The following LINGO2 variants were observed in gnomAD, a reference collection of about 807,000 sequenced individuals.
LINGO2 encodes the protein leucine-rich repeat and immunoglobulin-like domain-containing nogo receptor-interacting protein 2.
LINGO2 carries 14 observed loss-of-function variants against 30.6 expected under a neutral mutation model. That is an observed-to-expected ratio of 0.46 (90% CI 0.30 to 0.72). The LOEUF (loss-of-function observed/expected upper bound fraction) is 0.72, where lower values mean the gene tolerates loss of function less well. LINGO2 is among the 30% of genes least tolerant of loss of function. LINGO2 has a pLI of 0.07. For missense variants in LINGO2, 729 were observed against 751.7 expected, an observed-to-expected ratio of 0.97 and a Z score of 0.35; for synonymous variants, 317 against 288.5, an observed-to-expected ratio of 1.10 and a Z score of -1.00.
chr9:28,490,778 T>C (rs775030822), intron 1 of LINGO2, among the ~76,000 whole-genome samples: 1 of 152,170 alleles, frequency 6.6e-6, no homozygotes, highest in Non-Finnish European at 1.5e-5. Flanking sequence ...TTAACCTTTC[T>C]AAAGGGTAGT....
chr9:28,848,399 A>G, the LINGO2 span, among the ~76,000 whole-genome samples: 7,751 of 32,404 alleles, frequency 0.24, 343 homozygotes, highest in East Asian at 0.46. Context: ...GTGTGTGTGT[A>G]TATATATATA....
chr9:28,081,776 A>C (rs1825780417), intron 4 of LINGO2, among the ~76,000 whole-genome samples: 1 of 152,234 alleles, frequency 6.6e-6, no homozygotes, highest in African/African-American at 2.4e-5. Flanking sequence ...AGTAAAATTC[A>C]TGCAAACAGT....
the LINGO2 span, among the ~76,000 whole-genome samples, chr9:28,758,432 G>A: frequency 1.3e-5 from 2 of 152,086 alleles, no homozygotes; most frequent in East Asian, 1.9e-4. Context: ...TAACACAAAT[G>A]ACTTGTGAAA....
intron 1 of LINGO2, among the ~76,000 whole-genome samples, chr9:28,540,173 A>G (rs565836683): frequency 1.3e-5 from 2 of 152,190 alleles, no homozygotes; most frequent in South Asian, 4.2e-4. Context: ...CCATCATGGA[A>G]GGCTACACCT....
intron 2 of LINGO2, among the ~76,000 whole-genome samples, chr9:28,393,728 C>A (rs1224325401): frequency 6.6e-6 from 1 of 152,156 alleles, no homozygotes; most frequent in Non-Finnish European, 1.5e-5. Context: ...CAACTTCCAG[C>A]AACTCCATCT....
chr9:28,671,592 G>A (rs969064271), upstream of LINGO2, among the ~76,000 whole-genome samples: 2 of 149,470 alleles, frequency 1.3e-5, no homozygotes, highest in Non-Finnish European at 3.0e-5. Context: ...GCTAAACAAT[G>A]AGAATACACG....
At chr9:27,998,623 G>A (rs982276277) in intron 5 of LINGO2, among the ~76,000 whole-genome samples, 1 of 152,098 alleles carries the variant, frequency 6.6e-6, no homozygotes, top group African/African-American at 2.4e-5. Flanking sequence ...TACTAAAAAT[G>A]AAAAAGAAGT....
the LINGO2 span, among the ~76,000 whole-genome samples, chr9:29,083,771 C>T: frequency 6.6e-6 from 1 of 151,964 alleles, no homozygotes; most frequent in Non-Finnish European, 1.5e-5. Flanking sequence ...AGGGGTTGTA[C>T]CAGTTTTGAC....
At chr9:29,158,082 C>T in the LINGO2 span, among the ~76,000 whole-genome samples, 1 of 151,904 alleles carries the variant, frequency 6.6e-6, no homozygotes, top group African/African-American at 2.4e-5. Context: ...GTGGCTCATG[C>T]CTATACTCCC....
intron 4 of LINGO2, among the ~76,000 whole-genome samples, chr9:28,017,680 G>C (rs940265626): frequency 4.6e-5 from 7 of 151,998 alleles, no homozygotes; most frequent in African/African-American, 7.2e-5. Flanking sequence ...CTACAAATGA[G>C]AATTTCAAAA....
Position 28,356,605 on chromosome 9 carries a change from G to A in LINGO2, c.-246+16231C>T, listed in dbSNP as rs149214052. On this transcript the variant is annotated intron_variant, in intron 3 of 5. Transcript: ENST00000379992. ...TAGATAAGAACTTCCACAATCCTAA[G>A]CAAAACGTTTCAGTTGTAAGGAAAT... 6.3e-3 allele frequency among the ~76,000 whole-genome samples: 959 copies of A among 152,214 alleles called. 3 individuals carry two copies. The highest frequency in any genetic ancestry group is 9.4e-3 in the Non-Finnish European group (641 of 68,000).
intron 4 of LINGO2, among the ~76,000 whole-genome samples, chr9:28,139,232 C>A (rs889312627): frequency 6.7e-6 from 1 of 149,588 alleles, no homozygotes; most frequent in African/African-American, 2.5e-5. Context: ...AGAGACATAA[C>A]CCTGGCCATT....
At chr9:28,488,576 C>T (rs564607194) in intron 1 of LINGO2, among the ~76,000 whole-genome samples, 1 of 152,226 alleles carries the variant, frequency 6.6e-6, no homozygotes, top group East Asian at 1.9e-4. Flanking sequence ...TTATCTAAGT[C>T]AACCCTTTCT....
At chr9:28,516,965 A>G (rs1820641703) in intron 1 of LINGO2, among the ~76,000 whole-genome samples, 1 of 152,234 alleles carries the variant, frequency 6.6e-6, no homozygotes, top group Admixed American at 6.5e-5. Flanking sequence ...TCAGGATGTC[A>G]TGGGCACATT....
At chr9:28,661,724 C>T (rs550151580) in intron 1 of LINGO2, among the ~76,000 whole-genome samples, 2 of 152,144 alleles carry the variant, frequency 1.3e-5, no homozygotes, top group South Asian at 4.2e-4. Context: ...TTTAAAGTTA[C>T]ATTTTTAAAA....
chr9:28,097,874 A>AC (rs1193179035), intron 4 of LINGO2, among the ~76,000 whole-genome samples: 1 of 139,336 alleles, frequency 7.2e-6, no homozygotes, highest in East Asian at 2.0e-4. Context: ...ACAACCTCTT[A>AC]AAAAAAATTG....
At chr9:28,990,068 C>A in the LINGO2 span, among the ~76,000 whole-genome samples, 1 of 152,178 alleles carries the variant, frequency 6.6e-6, no homozygotes, top group Non-Finnish European at 1.5e-5. Context: ...GTGCACCATG[C>A]GTGAGCCGAA....
the LINGO2 span, among the ~76,000 whole-genome samples, chr9:28,729,005 AG>A: frequency 6.6e-6 from 1 of 152,104 alleles, no homozygotes; most frequent in African/African-American, 2.4e-5. Context: ...TATTCTTTAA[AG>A]TTTGTTCTCT....
the LINGO2 span, among the ~76,000 whole-genome samples, chr9:28,897,673 C>T: frequency 0.89 from 135,742 of 152,050 alleles, 60,898 homozygotes; most frequent in Non-Finnish European, 0.94. Flanking sequence ...TCCTGTAAAA[C>T]GAAAATAATA....
Sources: allele counts gnomAD v4.1 joint callset (sites outside exome capture counted in the v4.1 genomes callset), GRCh38; gene constraint gnomAD v4.1.1; transcripts MANE v1.5; gene names NCBI Gene and HGNC (gene_info 2026-07-23, HGNC 2026-07-21).